The following MCUB variants were observed in gnomAD, a reference collection of about 807,000 sequenced individuals.
MCUB encodes calcium uniporter regulatory subunit MCUb, mitochondrial.
In MCUB, 46 loss-of-function variants were observed where a neutral mutation model predicts 41.4. That is an observed-to-expected ratio of 1.11 (90% CI 0.88 to 1.42). The LOEUF (loss-of-function observed/expected upper bound fraction) is 1.42, where lower values mean the gene tolerates loss of function less well. Ranked by LOEUF, MCUB falls within the 40% of genes most tolerant of loss-of-function variation. The probability of loss-of-function intolerance (pLI) is 0.00; values close to 1 mark genes in which losing one functional copy is unlikely to be tolerated. For synonymous variants in MCUB, 148 were observed against 148.2 expected, an observed-to-expected ratio of 1.00 and a Z score of 0.01; for missense variants, 403 against 404.9, an observed-to-expected ratio of 1.00 and a Z score of 0.04.
chr4:109,659,479 A>G (rs554894374), intron 2 of MCUB, among the ~76,000 whole-genome samples: 1 of 152,216 alleles, frequency 6.6e-6, no homozygotes, highest in South Asian at 2.1e-4. Flanking sequence ...AGTCCCAGCT[A>G]CCCAAGAGAT....
In MCUB at chr4:109,673,849, G is replaced by A. The variant is rs61735996; in HGVS notation, c.452-8733G>A. The A allele has an allele frequency of 1.7e-3, 1,260 of 758,184 alleles. 5 individuals are homozygous for A. The African/African-American group carries it at 0.018, about 11-fold the overall frequency. 47.0% of individuals were successfully genotyped at this position (758,184 alleles called of 1,614,324 possible). A position where few individuals can be genotyped will look rare whatever the true frequency, so the allele number is the denominator to read the frequency against. ...GATTCTTCAAGCAATCACTATGTCAGCAGACACAGGTGTTTCTCTTCCTTC... is the reference window on the plus strand; with the variant it reads ...GATTCTTCAAGCAATCACTATGTCAACAGACACAGGTGTTTCTCTTCCTTC... On this transcript the variant is annotated intron_variant, in intron 4 of 7. Coordinates refer to ENST00000394650, the MANE Select transcript of MCUB (RefSeq NM_017918.5).
intron 1 of MCUB, among the ~76,000 whole-genome samples, chr4:109,634,725 C>A (rs1258725922): frequency 6.6e-6 from 1 of 152,044 alleles, no homozygotes; most frequent in Non-Finnish European, 1.5e-5. Context: ...ATTATTTATT[C>A]ATTGTGTGGT....
chr4:109,629,133 A>T (rs553826380), intron 1 of MCUB, among the ~76,000 whole-genome samples: 2 of 152,110 alleles, frequency 1.3e-5, no homozygotes, highest in African/African-American at 4.8e-5. Context: ...TATTTTTTCT[A>T]ATTTTTTATT....
intron 1 of MCUB, among the ~76,000 whole-genome samples, chr4:109,633,553 G>A (rs533205060): frequency 6.6e-6 from 1 of 152,328 alleles, no homozygotes; most frequent in Admixed American, 6.5e-5. Flanking sequence ...ACAGGCATGA[G>A]CCACTGCACT....
chr4:109,646,717 A>C (rs1728846458), intron 1 of MCUB, among the ~76,000 whole-genome samples: 1 of 152,078 alleles, frequency 6.6e-6, no homozygotes, highest in Non-Finnish European at 1.5e-5. Flanking sequence ...CTGTGGTCCT[A>C]CTGGTCCTCC....
At chr4:109,679,606 A>C (rs960966995) in intron 4 of MCUB, among the ~76,000 whole-genome samples, 11 of 152,168 alleles carry the variant, frequency 7.2e-5, no homozygotes, top group African/African-American at 2.7e-4. Context: ...TCGGCAAGAG[A>C]GGGAGACTGG....
At chr4:109,658,953 T>G (rs1729164914) in intron 1 of MCUB, 58 bp from the exon 2 acceptor site, 6 of 923,500 alleles carry the variant, frequency 6.5e-6, no homozygotes, top group Non-Finnish European at 1.0e-5. Context: ...ATAAAGACAC[T>G]TATTTCATCT....
chr4:109,687,174 G>A (rs115825210), intron 7 of MCUB, among the ~76,000 whole-genome samples: 5,098 of 152,020 alleles, frequency 0.034, 283 homozygotes, highest in African/African-American at 0.12. Context: ...GAGCAACATG[G>A]CAAAACTCCA....
At chr4:109,665,993 A>G (rs78341366) in intron 4 of MCUB, among the ~76,000 whole-genome samples, 2,979 of 152,132 alleles carry the variant, frequency 0.02, 115 homozygotes, top group African/African-American at 0.067. Flanking sequence ...GAAGGGGGAA[A>G]GGAAGAGAGA....
chr4:109,652,051 A>G (rs1180834647), intron 1 of MCUB, among the ~76,000 whole-genome samples: 2 of 152,140 alleles, frequency 1.3e-5, no homozygotes, highest in Non-Finnish European at 1.5e-5. Context: ...TGGCTTGTAC[A>G]TGGCTGTTTT....
At position 109,678,001 on chromosome 4, in the gene MCUB, T is replaced by G. The variant is rs546323872; in HGVS notation, c.452-4581T>G. Reference sequence around the variant, plus strand: ...GTTTGTGTCCCTGGGTACTTGAGATTAGGGAGTGGTGATGACTCTTAACGA... The same window carrying G: ...GTTTGTGTCCCTGGGTACTTGAGATGAGGGAGTGGTGATGACTCTTAACGA... On this transcript the variant is annotated intron_variant, in intron 4 of 7. Transcript: ENST00000394650. Among the ~76,000 whole-genome samples the G allele has an allele frequency of 2.6e-5, 4 of 151,926 alleles. No individual in the cohort carries two copies. In the East Asian group the frequency reaches 7.8e-4, roughly 29 times the overall value.
intron 1 of MCUB, among the ~76,000 whole-genome samples, chr4:109,593,295 A>G (rs1037472133): frequency 7.0e-5 from 10 of 142,608 alleles, no homozygotes; most frequent in African/African-American, 2.6e-4. Context: ...CACTCGGATA[A>G]TAAGAAACAG....
intron 1 of MCUB, among the ~76,000 whole-genome samples, chr4:109,609,231 G>A (rs1330481460): frequency 6.6e-6 from 1 of 152,200 alleles, no homozygotes; most frequent in African/African-American, 2.4e-5. Flanking sequence ...AGTTTATTAA[G>A]AAAGTAAAGG....
chr4:109,680,863 C>CT (rs1223757062), intron 4 of MCUB, among the ~76,000 whole-genome samples: 1 of 152,174 alleles, frequency 6.6e-6, no homozygotes, highest in Non-Finnish European at 1.5e-5. Flanking sequence ...CTCAGGTTCT[C>CT]TTAACAGTGA....
intron 1 of MCUB, among the ~76,000 whole-genome samples, chr4:109,593,031 T>C (rs1279350015): frequency 1.3e-5 from 2 of 152,232 alleles, no homozygotes; most frequent in African/African-American, 4.8e-5. Context: ...TATTTCTAGA[T>C]AACAGACAAA....
At chr4:109,647,521 C>T (rs1321676842) in intron 1 of MCUB, among the ~76,000 whole-genome samples, 6 of 152,130 alleles carry the variant, frequency 3.9e-5, no homozygotes, top group Admixed American at 1.3e-4. Context: ...TAGCTCATTT[C>T]GTTTTAGTGC....
chr4:109,583,430 T>G (rs778686395), intron 1 of MCUB, among the ~76,000 whole-genome samples: 1 of 152,220 alleles, frequency 6.6e-6, no homozygotes, highest in Non-Finnish European at 1.5e-5. Flanking sequence ...GAGAGTTTGC[T>G]GAAGTTGCTT....
At chr4:109,566,402 A>G (rs943074578) in intron 1 of MCUB, among the ~76,000 whole-genome samples, 5 of 151,294 alleles carry the variant, frequency 3.3e-5, no homozygotes, top group East Asian at 3.9e-4. Flanking sequence ...CCCGGGAGGC[A>G]GAGCTTGTAG....
intron 1 of MCUB, among the ~76,000 whole-genome samples, chr4:109,646,962 C>T (rs1000496597): frequency 6.6e-6 from 1 of 152,182 alleles, no homozygotes. Flanking sequence ...AACTATAGAA[C>T]AAGAGCTGGC....
Sources: allele counts gnomAD v4.1 joint callset (sites outside exome capture counted in the v4.1 genomes callset), GRCh38; gene constraint gnomAD v4.1.1; transcripts MANE v1.5; gene names NCBI Gene and HGNC (gene_info 2026-07-23, HGNC 2026-07-21).